The following NRXN3 variants were observed in gnomAD, a reference collection of about 807,000 sequenced individuals.
NRXN3 encodes the protein neurexin III.
NRXN3 carries 32 observed loss-of-function variants against 137.6 expected under a neutral mutation model. The ratio of observed to expected loss-of-function variants is 0.23; its 90% confidence interval spans 0.18 to 0.31. The LOEUF (loss-of-function observed/expected upper bound fraction) is 0.31. Ranked by LOEUF, NRXN3 falls within the 10% of genes least tolerant of loss-of-function variation. The probability of loss-of-function intolerance (pLI) is 1.00; values close to 1 mark genes in which losing one functional copy is unlikely to be tolerated. For synonymous variants in NRXN3, 798 were observed against 784.5 expected (o/e 1.02, Z -0.29); for missense variants, 1,574 against 2,062.5 (o/e 0.76, Z 4.59).
chr14:79,508,903 TAATG>T (rs2096905574), intron 16 of NRXN3, among the ~76,000 whole-genome samples: 1 of 152,086 alleles, frequency 6.6e-6, no homozygotes, highest in African/African-American at 2.4e-5. Context: ...TAATCAATAA[TAATG>T]CTAACCAAGC....
chr14:78,778,329 G>T (rs1479075019), intron 8 of NRXN3, among the ~76,000 whole-genome samples: 1 of 152,194 alleles, frequency 6.6e-6, no homozygotes, highest in Non-Finnish European at 1.5e-5. Context: ...CCCATGGGTT[G>T]TGGCCCATAG....
At chr14:78,308,138 A>G (rs562467707) in intron 4 of NRXN3, among the ~76,000 whole-genome samples, 1 of 152,082 alleles carries the variant, frequency 6.6e-6, no homozygotes, top group East Asian at 1.9e-4. Context: ...TTGTTCGACT[A>G]AAGAGCCATT....
At chr14:78,458,394 T>C (rs930479827) in intron 4 of NRXN3, among the ~76,000 whole-genome samples, 6 of 152,204 alleles carry the variant, frequency 3.9e-5, no homozygotes, top group Non-Finnish European at 8.8e-5. Context: ...ACCACCACTC[T>C]CCAAATCTAT....
At chr14:79,369,642 C>T (rs2094021612) in intron 15 of NRXN3, among the ~76,000 whole-genome samples, 2 of 152,284 alleles carry the variant, frequency 1.3e-5, no homozygotes, top group East Asian at 1.9e-4. Flanking sequence ...TTCCCTGTCT[C>T]ATGGTAAAAT....
At chr14:78,638,592 C>A (rs1018223464) in intron 4 of NRXN3, among the ~76,000 whole-genome samples, 1 of 152,112 alleles carries the variant, frequency 6.6e-6, no homozygotes, top group East Asian at 1.9e-4. Flanking sequence ...AAAAGAATTT[C>A]TACTTTCCCC....
chr14:79,247,872 G>A (rs1245627264), intron 15 of NRXN3, among the ~76,000 whole-genome samples: 1 of 151,404 alleles, frequency 6.6e-6, no homozygotes, highest in Non-Finnish European at 1.5e-5. Context: ...CATTGTGTGT[G>A]TTTACTGGCC....
rs191313590 is a variant in NRXN3 at position 79,467,505 on chromosome 14, G to T, written c.3444+103G>T. On this transcript the variant is annotated intron_variant, in intron 16 of 20. Transcript: ENST00000335750. ...CATTCTAGATCAATATGGCAAAGGT[G>T]CACATGCTTATAAAAATTGTTTTCA... 6.6e-4 allele frequency: 667 copies of T among 1,014,152 alleles called. 2 individuals carry two copies. The African/African-American group carries it at 9.5e-3, about 14-fold the overall frequency. The allele number at this position is 1,014,152 out of a possible 1,614,324, so 62.8% of individuals were successfully genotyped here.
At chr14:79,750,167 A>G (rs2098992767) in intron 19 of NRXN3, among the ~76,000 whole-genome samples, 1 of 152,132 alleles carries the variant, frequency 6.6e-6, no homozygotes, top group Non-Finnish European at 1.5e-5. Flanking sequence ...TTCTATTCTG[A>G]TTAGTACTTA....
chr14:79,737,862 G>A (rs1185980955), intron 19 of NRXN3, among the ~76,000 whole-genome samples: 1 of 151,964 alleles, frequency 6.6e-6, no homozygotes, highest in Non-Finnish European at 1.5e-5. Context: ...CCAGCCCATT[G>A]TGCAGTGTTC....
chr14:78,458,807 A>T (rs2094832691), intron 4 of NRXN3, among the ~76,000 whole-genome samples: 1 of 152,244 alleles, frequency 6.6e-6, no homozygotes, highest in Non-Finnish European at 1.5e-5. Flanking sequence ...TGGCTATGAA[A>T]GTATTCTCCA....
chr14:78,626,248 G>T (rs1005426454), intron 4 of NRXN3, among the ~76,000 whole-genome samples: 5 of 152,236 alleles, frequency 3.3e-5, no homozygotes, highest in Non-Finnish European at 4.4e-5. Context: ...ACTACAGTGC[G>T]CAGCTCTCAT....
intron 1 of NRXN3, among the ~76,000 whole-genome samples, chr14:78,233,646 A>G (rs1164117037): frequency 2.0e-5 from 3 of 151,060 alleles, no homozygotes; most frequent in Non-Finnish European, 4.4e-5. Context: ...CTGGAGGGCA[A>G]TAGAGAAACC....
intron 10 of NRXN3, among the ~76,000 whole-genome samples, chr14:78,920,885 C>T (rs888424463): frequency 3.9e-5 from 6 of 152,200 alleles, no homozygotes; most frequent in African/African-American, 1.4e-4. Context: ...GCACACTGCC[C>T]TGCCAGCATG....
chr14:78,868,961 G>A (rs1019539066), intron 10 of NRXN3, among the ~76,000 whole-genome samples: 9 of 152,128 alleles, frequency 5.9e-5, no homozygotes, highest in African/African-American at 1.9e-4. Context: ...ACTCAGTTAC[G>A]GAGTAACTGT....
At chr14:78,259,089 G>A (rs534475791) in intron 2 of NRXN3, among the ~76,000 whole-genome samples, 177 of 148,474 alleles carry the variant, frequency 1.2e-3, no homozygotes, top group African/African-American at 4.3e-3. Context: ...CCAAGATCGT[G>A]CTACTGCACT....
chr14:78,890,238 A>T (rs31394), intron 10 of NRXN3, among the ~76,000 whole-genome samples: 2 of 151,894 alleles, frequency 1.3e-5, no homozygotes, highest in African/African-American at 4.8e-5. Context: ...TACAAAATAC[A>T]TGAATTATAC....
At chr14:78,306,614 C>T (rs1463729827) in intron 4 of NRXN3, among the ~76,000 whole-genome samples, 2 of 152,106 alleles carry the variant, frequency 1.3e-5, no homozygotes, top group Non-Finnish European at 2.9e-5. Flanking sequence ...CAGTGTATAT[C>T]TGAGTATAGG....
In NRXN3 at chr14:79,169,353, C is replaced by T. The variant is rs186158343; in HGVS notation, c.3262+181212C>T. On this transcript the variant is annotated intron_variant, in intron 15 of 20. Coordinates refer to ENST00000335750, the MANE Select transcript of NRXN3 (RefSeq NM_001330195.2). ...AGATTCTACCTGCAGCCTCAGTACA[C>T]TTCAACAATTCTCTTATTAGTCCTT... 3.1e-3 allele frequency among the ~76,000 whole-genome samples: 469 copies of T among 152,208 alleles called. 1 individual carries two copies. The highest frequency in any genetic ancestry group is 0.011 in the African/African-American group (450 of 41,550).
At chr14:78,415,051 T>C (rs992457408) in intron 4 of NRXN3, among the ~76,000 whole-genome samples, 1 of 152,110 alleles carries the variant, frequency 6.6e-6, no homozygotes, top group Admixed American at 6.5e-5. Context: ...AACCATAGAT[T>C]TCATTAAAGG....
Sources: gnomAD v4.1 joint callset for allele counts (sites outside exome capture counted in the v4.1 genomes callset) on GRCh38, gnomAD v4.1.1 for gene constraint, MANE v1.5 for transcripts, NCBI Gene and HGNC (gene_info 2026-07-23, HGNC 2026-07-21) for gene names.